SRBD1: variants seen among roughly 807,000 people sequenced by gnomAD.
SRBD1 encodes the protein S1 RNA binding domain 1, also known as S1 RNA-binding domain-containing protein 1.
Under a neutral mutation model 115.3 loss-of-function variants are expected in SRBD1, and 88 were observed. That is an observed-to-expected ratio of 0.76 (90% confidence interval 0.64 to 0.91). SRBD1 has a LOEUF of 0.91. SRBD1 is among the 40% of genes least tolerant of loss of function. The pLI, the probability that SRBD1 is intolerant of heterozygous loss-of-function variation, is 0.00. For synonymous variants in SRBD1, 509 were observed against 407.7 expected, an observed-to-expected ratio of 1.25 and a Z score of -2.99; for missense variants, 1,385 against 1,177.4, an observed-to-expected ratio of 1.18 and a Z score of -2.58.
At chr2:45,498,258 G>A (rs894343119) in intron 14 of SRBD1, among the ~76,000 whole-genome samples, 2 of 152,004 alleles carry the variant, frequency 1.3e-5, no homozygotes, top group Non-Finnish European at 2.9e-5. Context: ...CTCCTTACTA[G>A]TGAGTCATAA....
At chr2:45,394,859 T>C (rs1419744273) in intron 19 of SRBD1, among the ~76,000 whole-genome samples, 1 of 152,256 alleles carries the variant, frequency 6.6e-6, no homozygotes, top group Non-Finnish European at 1.5e-5. Flanking sequence ...CGTTGGTGTT[T>C]GGTCTCCCTC....
chr2:45,483,832 T>A (rs1383462225), intron 15 of SRBD1, among the ~76,000 whole-genome samples: 1 of 152,058 alleles, frequency 6.6e-6, no homozygotes, highest in Non-Finnish European at 1.5e-5. Flanking sequence ...TCGATGCAAA[T>A]CTACTGTAAT....
intron 16 of SRBD1, among the ~76,000 whole-genome samples, chr2:45,457,789 G>T (rs1043812932): frequency 6.6e-6 from 1 of 151,940 alleles, no homozygotes; most frequent in Non-Finnish European, 1.5e-5. Flanking sequence ...CAAGAAATTT[G>T]ACACGTGCAT....
chr2:45,560,166 T>C (rs1672615805), intron 10 of SRBD1, among the ~76,000 whole-genome samples: 1 of 152,106 alleles, frequency 6.6e-6, no homozygotes, highest in Non-Finnish European at 1.5e-5. Context: ...TGATGTAACA[T>C]GTTACATTGT....
At chr2:45,429,981 C>A (rs1163761498) in intron 16 of SRBD1, among the ~76,000 whole-genome samples, 1 of 152,078 alleles carries the variant, frequency 6.6e-6, no homozygotes, top group Non-Finnish European at 1.5e-5. Flanking sequence ...ATCACAGGCA[C>A]TCCTATACAC....
chr2:45,577,607 G>C (rs1412263266), intron 7 of SRBD1, among the ~76,000 whole-genome samples: 2 of 152,042 alleles, frequency 1.3e-5, no homozygotes, highest in African/African-American at 4.8e-5. Context: ...TTATGATTCA[G>C]ACCAAATGCT....
At chr2:45,416,267 A>T (rs184055130) in intron 18 of SRBD1, among the ~76,000 whole-genome samples, 1 of 116,742 alleles carries the variant, frequency 8.6e-6, no homozygotes, top group Admixed American at 8.2e-5. Flanking sequence ...AAGTATAAAA[A>T]TTAAAAAAAA....
Position 45,395,050 on chromosome 2 carries a change from G to A in SRBD1, c.2514-1921C>T, listed in dbSNP as rs1008261759. 3.9e-5 allele frequency among the ~76,000 whole-genome samples: 6 copies of A among 152,148 alleles called. No individual in the cohort carries two copies. In the East Asian group the frequency reaches 7.7e-4, roughly 20 times the overall value. ...CTGCTGGAGCTCTGACTGATGGGGC[G>A]GATGACACATGACAACCTCTGCCGA... On this transcript the variant is annotated intron_variant, in intron 19 of 20. Coordinates refer to ENST00000263736, the MANE Select transcript of SRBD1 (RefSeq NM_018079.5).
chr2:45,539,563 C>T (rs559470841), intron 14 of SRBD1, among the ~76,000 whole-genome samples: 13 of 152,154 alleles, frequency 8.5e-5, no homozygotes, highest in South Asian at 2.1e-4. Context: ...AACTCAGTCA[C>T]GGGCTGATGT....
chr2:45,457,828 GC>G (rs1669200235), intron 16 of SRBD1, among the ~76,000 whole-genome samples: 1 of 151,804 alleles, frequency 6.6e-6, no homozygotes, highest in Non-Finnish European at 1.5e-5. Flanking sequence ...AAGGACTTAT[GC>G]TTTTAGAAAA....
At chr2:45,504,613 A>T (rs1375605738) in intron 14 of SRBD1, among the ~76,000 whole-genome samples, 2 of 152,292 alleles carry the variant, frequency 1.3e-5, no homozygotes, top group East Asian at 3.9e-4. Flanking sequence ...TTCCTTTTTC[A>T]CCAATTTCCT....
chr2:45,574,525 C>T (rs1673117093), intron 8 of SRBD1, 102 bp downstream of exon 8: 19 of 1,090,456 alleles, frequency 1.7e-5, no homozygotes, highest in Non-Finnish European at 2.5e-5. Context: ...AAAAAAAAGT[C>T]TGAAAACAAA....
At chr2:45,602,365 A>G (rs1366501204) in intron 2 of SRBD1, among the ~76,000 whole-genome samples, 3 of 152,240 alleles carry the variant, frequency 2.0e-5, no homozygotes, top group African/African-American at 7.2e-5. Context: ...TTCAAGACAT[A>G]GAAAATCATT....
chr2:45,599,070 G>C (rs946184248), intron 4 of SRBD1, among the ~76,000 whole-genome samples: 2 of 152,190 alleles, frequency 1.3e-5, no homozygotes, highest in Admixed American at 6.5e-5. Flanking sequence ...GGGTTAAATA[G>C]ATGTATGAAC....
intron 16 of SRBD1, among the ~76,000 whole-genome samples, chr2:45,470,899 T>G (rs1384792493): frequency 6.6e-6 from 1 of 152,226 alleles, no homozygotes; most frequent in Non-Finnish European, 1.5e-5. Flanking sequence ...GAACGCTGCC[T>G]TTAGCATTTT....
chr2:45,604,313 C>T (rs1437009505), intron 2 of SRBD1, among the ~76,000 whole-genome samples: 5 of 138,576 alleles, frequency 3.6e-5, no homozygotes, highest in African/African-American at 1.4e-4. Flanking sequence ...GTTGGAGATA[C>T]TGTATAAAAT....
At chr2:45,449,641 C>A (rs1404989428) in intron 16 of SRBD1, among the ~76,000 whole-genome samples, 4 of 152,220 alleles carry the variant, frequency 2.6e-5, no homozygotes, top group Admixed American at 6.6e-5. Context: ...AATATTTCAA[C>A]CACTTCAACC....
chr2:45,574,857 T>C (rs1673128948), intron 7 of SRBD1, 134 bp from the exon 8 acceptor site: 3 of 718,096 alleles, frequency 4.2e-6, no homozygotes, highest in African/African-American at 1.8e-5. Flanking sequence ...CAGAAAGATA[T>C]TGCAGCAGTA....
intron 11 of SRBD1, among the ~76,000 whole-genome samples, chr2:45,552,606 T>C (rs946815673): frequency 6.6e-6 from 1 of 152,208 alleles, no homozygotes; most frequent in Non-Finnish European, 1.5e-5. Flanking sequence ...AACATAATTT[T>C]TTCCTTCAGG....
Sources: gnomAD v4.1 joint callset for allele counts (sites outside exome capture counted in the v4.1 genomes callset) on GRCh38, gnomAD v4.1.1 for gene constraint, MANE v1.5 for transcripts, NCBI Gene and HGNC (gene_info 2026-07-23, HGNC 2026-07-21) for gene names.